The following PARN variants were observed in gnomAD, a reference collection of about 807,000 sequenced individuals.
PARN encodes poly(A)-specific ribonuclease PARN.
In PARN, 71 loss-of-function variants were observed where a neutral mutation model predicts 102.8. The ratio of observed to expected loss-of-function variants is 0.69; its 90% confidence interval spans 0.57 to 0.84. The LOEUF (loss-of-function observed/expected upper bound fraction) is 0.84, where lower values mean the gene tolerates loss of function less well. Among genes scored for constraint, PARN ranks in the 40% least tolerant of loss-of-function variants. The probability of loss-of-function intolerance (pLI) is 0.00; values close to 1 mark genes in which losing one functional copy is unlikely to be tolerated. For synonymous variants in PARN, 261 were observed against 252.9 expected (o/e 1.03, Z -0.30); for missense variants, 782 against 760.9 (o/e 1.03, Z -0.33).
intron 6 of PARN, among the ~76,000 whole-genome samples, chr16:14,611,311 GGA>G (rs1280376865): frequency 6.6e-6 from 1 of 152,236 alleles, no homozygotes; most frequent in Admixed American, 6.5e-5. Flanking sequence ...GCATCACATT[GGA>G]GAGAGTATGG....
At chr16:14,463,349 G>A (rs1962104491) in intron 22 of PARN, among the ~76,000 whole-genome samples, 1 of 150,648 alleles carries the variant, frequency 6.6e-6, no homozygotes, top group Non-Finnish European at 1.5e-5. Context: ...TATAATATAT[G>A]GTAAAATTTA....
At chr16:14,526,801 A>G (rs1966036163) in intron 21 of PARN, among the ~76,000 whole-genome samples, 1 of 152,206 alleles carries the variant, frequency 6.6e-6, no homozygotes, top group Admixed American at 6.5e-5. Context: ...CCAGGGTTAA[A>G]GTTGGGCCAG....
intron 18 of PARN, among the ~76,000 whole-genome samples, chr16:14,556,540 C>T (rs998625290): frequency 6.6e-6 from 1 of 152,124 alleles, no homozygotes; most frequent in African/African-American, 2.4e-5. Context: ...ATAGAAAAAA[C>T]AAACAAGCAA....
chr16:14,601,588 A>C (rs1970868814), intron 11 of PARN, among the ~76,000 whole-genome samples: 1 of 152,198 alleles, frequency 6.6e-6, no homozygotes, highest in African/African-American at 2.4e-5. Context: ...TTAATAGTTA[A>C]GATGATAAAT....
intron 13 of PARN, among the ~76,000 whole-genome samples, chr16:14,589,352 G>A (rs192754037): frequency 8.6e-5 from 13 of 151,828 alleles, no homozygotes; most frequent in East Asian, 1.9e-4. Context: ...TCTCTTGAAC[G>A]CAGGAGTTCG....
intron 23 of PARN, among the ~76,000 whole-genome samples, chr16:14,444,153 G>A (rs1329946823): frequency 6.6e-6 from 1 of 152,100 alleles, no homozygotes; most frequent in Non-Finnish European, 1.5e-5. Flanking sequence ...GATACTAATA[G>A]GATTAAACAC....
At chr16:14,571,282 C>G (rs538138338) in intron 18 of PARN, among the ~76,000 whole-genome samples, 39 of 147,880 alleles carry the variant, frequency 2.6e-4, no homozygotes, top group Admixed American at 1.3e-3. Flanking sequence ...TATCAGGAGG[C>G]GGAGGCAGAG....
intron 21 of PARN, among the ~76,000 whole-genome samples, chr16:14,549,928 A>G (rs2151702368): frequency 6.6e-6 from 1 of 152,356 alleles, no homozygotes; most frequent in East Asian, 1.9e-4. Flanking sequence ...TAACCTGCCC[A>G]AAGACACATG....
chr16:14,630,208 C>G lies in PARN; in HGVS notation c.-83G>C. 7.9e-7 allele frequency: 1 copy of G among 1,262,702 alleles called. No homozygotes were observed. 78.2% of individuals were successfully genotyped at this position (1,262,702 alleles called of 1,614,324 possible). ...TACTCGCCGAATTCCGCGGCGACTG[C>G]GGCAGTAGCTGAGGCAGCCGCAGCG... On this transcript the variant is annotated 5_prime_UTR_variant, in exon 1 of 24. Transcript: ENST00000437198.
At chr16:14,471,762 CT>C in intron 22 of PARN, among the ~76,000 whole-genome samples, 1 of 152,236 alleles carries the variant, frequency 6.6e-6, no homozygotes, top group Non-Finnish European at 1.5e-5. Context: ...GGTGTTTTGT[CT>C]TTTTGTGATG....
At position 14,447,035 on chromosome 16, in the gene PARN, G is replaced by C; in HGVS notation, c.1717C>G (p.Gln573Glu). ...TVGKRNLSPS[Q>E]EEAGLEDGVS... The stretch of plus-strand genomic sequence containing the variant: ...CCGTCCTCCAGGCCAGCTTCCTCTT[G>C]ACTAGGACTCAAATTTCTCTTTCCT... Residue 573 changes from glutamine (Q) to glutamate (E), a missense_variant, in exon 23 of 24, where the codon CAA (glutamine) becomes GAA (glutamate). Gln to Glu is a conservative substitution (Grantham distance 29, BLOSUM62 2). Coordinates refer to ENST00000437198, the MANE Select transcript of PARN (RefSeq NM_002582.4). 6.2e-7 allele frequency: 1 copy of C among 1,613,800 alleles called. No homozygotes were observed. Among genetic ancestry groups the C allele is most frequent in the Non-Finnish European group, 8.5e-7 (1 of 1,179,786 alleles).
At chr16:14,626,262 G>A (rs1430276582) in intron 5 of PARN, among the ~76,000 whole-genome samples, 11 of 152,208 alleles carry the variant, frequency 7.2e-5, no homozygotes, top group Non-Finnish European at 1.2e-4. Flanking sequence ...GAGTGGATGC[G>A]AGGAGAATGA....
intron 8 of PARN, 38 bp from the exon 9 acceptor site, chr16:14,608,357 T>C (rs1157086343): frequency 7.3e-7 from 1 of 1,366,260 alleles, no homozygotes; most frequent in Non-Finnish European, 1.0e-6. Context: ...TTTTGGCTCA[T>C]TAGAAGTAAA....
intron 22 of PARN, among the ~76,000 whole-genome samples, chr16:14,450,637 A>C (rs1426908797): frequency 6.6e-6 from 1 of 152,198 alleles, no homozygotes; most frequent in Non-Finnish European, 1.5e-5. Flanking sequence ...CAGAGACACC[A>C]GAGTAGCAAT....
At chr16:14,584,569 C>A in intron 15 of PARN, 147 bp from the exon 16 acceptor site, 1 of 794,198 alleles carries the variant, frequency 1.3e-6, no homozygotes, top group Non-Finnish European at 2.0e-6. Flanking sequence ...TCGTTTTTTT[C>A]AATGTGAAAG....
intron 5 of PARN, among the ~76,000 whole-genome samples, chr16:14,618,619 A>G (rs1972085027): frequency 6.6e-6 from 1 of 150,920 alleles, no homozygotes; most frequent in African/African-American, 2.4e-5. Context: ...CGAGAGAGCC[A>G]CTGCACTCCA....
chr16:14,466,805 C>T (rs1466027092), intron 22 of PARN, among the ~76,000 whole-genome samples: 1 of 148,192 alleles, frequency 6.7e-6, no homozygotes, highest in Non-Finnish European at 1.5e-5. Flanking sequence ...TATCTTAACC[C>T]TGTATGTTTC....
intron 22 of PARN, among the ~76,000 whole-genome samples, chr16:14,459,324 G>A (rs1307479774): frequency 2.0e-5 from 3 of 152,188 alleles, no homozygotes; most frequent in Non-Finnish European, 4.4e-5. Flanking sequence ...AGTAAGGTTG[G>A]TTTAAGAATA....
At position 14,586,306 on chromosome 16, in the gene PARN, A is replaced by G. The variant is rs1166434181; in HGVS notation, c.962+12T>C. The G allele has an allele frequency of 4.6e-6, 7 of 1,526,360 alleles. No homozygotes were observed. The highest frequency in any genetic ancestry group is 6.2e-6 in the Non-Finnish European group (7 of 1,121,140). The allele number at this position is 1,526,360 out of a possible 1,614,324, so 94.6% of individuals were successfully genotyped here. A position where few individuals can be genotyped will look rare whatever the true frequency, so the allele number is the denominator to read the frequency against. On this transcript the variant is annotated intron_variant, in intron 14 of 23. Coordinates refer to ENST00000437198, the MANE Select transcript of PARN (RefSeq NM_002582.4). ...TTTTTAAAAGAAAGACAAATCCTCA[A>G]AGAAAGCTTACCTGGGGAAAACACA...
Sources: gnomAD v4.1 joint callset for allele counts (sites outside exome capture counted in the v4.1 genomes callset) on GRCh38, gnomAD v4.1.1 for gene constraint, MANE v1.5 for transcripts, NCBI Gene and HGNC (gene_info 2026-07-23, HGNC 2026-07-21) for gene names.